The following PRKCE variants were observed in gnomAD, a reference collection of about 807,000 sequenced individuals.
PRKCE encodes protein kinase C epsilon.
Under a neutral mutation model 85.4 loss-of-function variants are expected in PRKCE, and 16 were observed. That is an observed-to-expected ratio of 0.19 (90% CI 0.13 to 0.28). The LOEUF is 0.28. Among genes scored for constraint, PRKCE ranks in the 10% least tolerant of loss-of-function variants. The probability of loss-of-function intolerance (pLI) is 1.00; values close to 1 mark genes in which losing one functional copy is unlikely to be tolerated. For synonymous variants in PRKCE, 388 were observed against 371.5 expected (o/e 1.04, Z -0.51); for missense variants, 573 against 975.2 (o/e 0.59, Z 5.49).
chr2:45,733,677 T>C (rs960137895), intron 1 of PRKCE, among the ~76,000 whole-genome samples: 9 of 152,142 alleles, frequency 5.9e-5, no homozygotes, highest in South Asian at 2.1e-4. Flanking sequence ...ATGCCCTCTC[T>C]CCTCCCTCTC....
chr2:45,742,500 C>T (rs1319402637), intron 1 of PRKCE, among the ~76,000 whole-genome samples: 4 of 151,578 alleles, frequency 2.6e-5, no homozygotes, highest in Admixed American at 2.6e-4. Context: ...CAGACATATA[C>T]CAACAGGTAT....
intron 10 of PRKCE, among the ~76,000 whole-genome samples, chr2:46,014,050 C>T (rs917822396): frequency 2.0e-5 from 3 of 152,200 alleles, no homozygotes; most frequent in African/African-American, 4.8e-5. Context: ...CTTTTCTTTA[C>T]TGAGCCCGCC....
chr2:45,821,454 C>A (rs1248162605), intron 1 of PRKCE, among the ~76,000 whole-genome samples: 2 of 152,088 alleles, frequency 1.3e-5, no homozygotes, highest in African/African-American at 4.8e-5. Context: ...ACCTGTGGAA[C>A]CTACCTGGGG....
intron 2 of PRKCE, among the ~76,000 whole-genome samples, chr2:45,962,844 C>T (rs973084711): frequency 2.0e-5 from 3 of 152,024 alleles, no homozygotes; most frequent in African/African-American, 7.3e-5. Context: ...AGCATGAGTT[C>T]GATTCTGGGA....
chr2:45,765,456 G>T (rs1008865572), intron 1 of PRKCE, among the ~76,000 whole-genome samples: 2 of 152,172 alleles, frequency 1.3e-5, no homozygotes, highest in African/African-American at 4.8e-5. Flanking sequence ...AACCATCTCC[G>T]TTTGGCCTCG....
At chr2:46,182,593 T>G (rs1395776576) in intron 14 of PRKCE, among the ~76,000 whole-genome samples, 3 of 152,198 alleles carry the variant, frequency 2.0e-5, no homozygotes, top group Non-Finnish European at 4.4e-5. Context: ...CTCTGAGACC[T>G]GCTGACCTAT....
At position 45,878,691 on chromosome 2, in the gene PRKCE, G is replaced by A. The variant is rs185497584; in HGVS notation, c.412+35628G>A. ...ATAGTTGACTCAAATAACCTACTCT[G>A]CCATTGCCAGAGCTAGAGTTCTCAC... On this transcript the variant is annotated intron_variant, in intron 2 of 14. Transcript: ENST00000306156. Among the ~76,000 whole-genome samples, 31 of 152,282 alleles carry A rather than the reference G, an allele frequency of 2.0e-4. 1 individual carries two copies. In the South Asian group the frequency reaches 6.4e-3, roughly 32 times the overall value.
At chr2:46,161,830 G>A (rs1677799241) in intron 14 of PRKCE, among the ~76,000 whole-genome samples, 1 of 152,138 alleles carries the variant, frequency 6.6e-6, no homozygotes, top group Non-Finnish European at 1.5e-5. Context: ...CCCTTCACAG[G>A]AATCCCTCAC....
In PRKCE at chr2:46,059,973, T is replaced by C. The variant is rs186520784; in HGVS notation, c.1438-26235T>C. Among the ~76,000 whole-genome samples, 231 of 152,362 alleles carry C rather than the reference T, an allele frequency of 1.5e-3. 1 individual carries two copies. Among genetic ancestry groups the C allele is most frequent in the African/African-American group, 5.4e-3 (226 of 41,588 alleles). On this transcript the variant is annotated intron_variant, in intron 10 of 14. Coordinates refer to ENST00000306156, the MANE Select transcript of PRKCE (RefSeq NM_005400.3). ...TCCAGGAGCACTTCTTACTACTAAT[T>C]TGACATTTTCTTATTGCTTTGTGCT...
chr2:46,180,864 C>T (rs536930060), intron 14 of PRKCE, among the ~76,000 whole-genome samples: 9 of 152,318 alleles, frequency 5.9e-5, no homozygotes, highest in Admixed American at 2.0e-4. Context: ...TGAGCTCAGC[C>T]GGTGATCTTC....
chr2:45,963,352 A>G (rs1701507197), intron 2 of PRKCE, among the ~76,000 whole-genome samples: 1 of 152,166 alleles, frequency 6.6e-6, no homozygotes, highest in Non-Finnish European at 1.5e-5. Context: ...TCTATTGCCC[A>G]ACATGGAGTG....
At chr2:45,991,639 T>C (rs961377934) in intron 6 of PRKCE, among the ~76,000 whole-genome samples, 1 of 152,226 alleles carries the variant, frequency 6.6e-6, no homozygotes, top group Admixed American at 6.5e-5. Context: ...TAATTTATGC[T>C]GTCACAGACA....
chr2:45,737,485 C>T (rs1313729729), intron 1 of PRKCE, among the ~76,000 whole-genome samples: 1 of 152,148 alleles, frequency 6.6e-6, no homozygotes, highest in African/African-American at 2.4e-5. Context: ...AGCGGGAGAC[C>T]CGGAGTGGGG....
chr2:45,815,040 A>G (rs1324591969), intron 1 of PRKCE, among the ~76,000 whole-genome samples: 1 of 152,148 alleles, frequency 6.6e-6, no homozygotes, highest in Non-Finnish European at 1.5e-5. Flanking sequence ...AGGAGATCAG[A>G]GGTCTCTGTT....
chr2:45,884,300 C>G (rs944050689), intron 2 of PRKCE, among the ~76,000 whole-genome samples: 1 of 152,194 alleles, frequency 6.6e-6, no homozygotes, highest in African/African-American at 2.4e-5. Flanking sequence ...TGTTGACTCA[C>G]TTGTTGAAAG....
At chr2:45,945,057 T>C (rs771521813) in intron 2 of PRKCE, among the ~76,000 whole-genome samples, 5 of 152,094 alleles carry the variant, frequency 3.3e-5, no homozygotes, top group Admixed American at 1.3e-4. Flanking sequence ...GCCAAAACTT[T>C]CTCGCATTAG....
At chr2:45,950,346 C>T (rs1700538768) in intron 2 of PRKCE, among the ~76,000 whole-genome samples, 1 of 152,212 alleles carries the variant, frequency 6.6e-6, no homozygotes, top group Admixed American at 6.5e-5. Flanking sequence ...ATTACCCCAT[C>T]ATGGGACATC....
intron 1 of PRKCE, among the ~76,000 whole-genome samples, chr2:45,835,989 CAGTTTTGGGCTGTT>C (rs1342237015): frequency 1.3e-5 from 2 of 152,140 alleles, no homozygotes; most frequent in Non-Finnish European, 2.9e-5. Flanking sequence ...GGGACATTTC[CAGTTTTGGGCTGTT>C]AGGAATGAAG....
intron 2 of PRKCE, among the ~76,000 whole-genome samples, chr2:45,935,217 T>C (rs1699352747): frequency 1.3e-5 from 2 of 152,216 alleles, no homozygotes; most frequent in Non-Finnish European, 2.9e-5. Context: ...TTTTCAATAT[T>C]TTCAGTTTGA....
Sources: allele counts gnomAD v4.1 joint callset (sites outside exome capture counted in the v4.1 genomes callset), GRCh38; gene constraint gnomAD v4.1.1; transcripts MANE v1.5; gene names NCBI Gene and HGNC (gene_info 2026-07-23, HGNC 2026-07-21).